KAT2B: variants seen among roughly 807,000 people sequenced by gnomAD.
KAT2B encodes the protein lysine acetyltransferase 2B, also known as histone acetyltransferase KAT2B.
In KAT2B, 36 loss-of-function variants were observed where a neutral mutation model predicts 105.9. That is an observed-to-expected ratio of 0.34 (90% CI 0.26 to 0.45). KAT2B has a LOEUF of 0.45. Ranked by LOEUF, KAT2B falls within the 20% of genes least tolerant of loss-of-function variation. KAT2B has a pLI of 1.00. For missense variants in KAT2B, 820 were observed against 1,021.6 expected (o/e 0.80, Z 2.69); for synonymous variants, 397 against 377.9 (o/e 1.05, Z -0.59).
rs751076329 is a variant in KAT2B, at chr3:20,152,576, C to T, written c.*51C>T. On this transcript the variant is annotated 3_prime_UTR_variant, in exon 18 of 18. Transcript: ENST00000263754. ...AACTCACCAAGCAGTGTGCCTAAAG[C>T]AAGGTGGTTTAGTTTTTTACAAAGA... 6.2e-5 allele frequency: 89 copies of T among 1,442,340 alleles called. No individual in the cohort carries two copies. Among genetic ancestry groups the T allele is most frequent in the Non-Finnish European group, 8.3e-5 (87 of 1,043,294 alleles). 89.3% of individuals were successfully genotyped at this position (1,442,340 alleles called of 1,614,324 possible). A position where few individuals can be genotyped will look rare whatever the true frequency, so the allele number is the denominator to read the frequency against.
chr3:20,122,933 T>TG (rs1345984971), intron 9 of KAT2B, 129 bp downstream of exon 9: 1 of 1,388,172 alleles, frequency 7.2e-7, no homozygotes, highest in East Asian at 2.5e-5. Flanking sequence ...GCATTTAACC[T>TG]GGTGGTCAGT....
rs192922739 is a variant in KAT2B at position 20,128,814 on chromosome 3, C to T, written c.1749+1265C>T. Reference sequence around the variant, plus strand: ...CCTGAGATCAGGAGTTTGAGACCAGCCTGACCAATGTGGTAAAACCCTGTC... The same window carrying T: ...CCTGAGATCAGGAGTTTGAGACCAGTCTGACCAATGTGGTAAAACCCTGTC... On this transcript the variant is annotated intron_variant, in intron 11 of 17. Transcript: ENST00000263754. Among the ~76,000 whole-genome samples the T allele has an allele frequency of 1.4e-3, 210 of 152,008 alleles. 1 individual carries two copies. The highest frequency in any genetic ancestry group is 0.01 in the Middle Eastern group (3 of 292).
intron 1 of KAT2B, among the ~76,000 whole-genome samples, chr3:20,049,114 C>A (rs1330291583): frequency 1.3e-5 from 2 of 152,124 alleles, no homozygotes; most frequent in Non-Finnish European, 2.9e-5. Context: ...CCCACCTTGG[C>A]CTCTCAAAGT....
At chr3:20,136,441 T>C (rs1342564489) in intron 11 of KAT2B, among the ~76,000 whole-genome samples, 2 of 152,210 alleles carry the variant, frequency 1.3e-5, no homozygotes, top group Non-Finnish European at 1.5e-5. Flanking sequence ...ATGTATGTGA[T>C]GATTCAGTTC....
intron 9 of KAT2B, among the ~76,000 whole-genome samples, chr3:20,123,359 T>C (rs76117137): frequency 0.08 from 12,103 of 152,232 alleles, 584 homozygotes; most frequent in Non-Finnish European, 0.099. Flanking sequence ...AAATTTAGCC[T>C]GGTTACAATA....
At chr3:20,085,552 C>G (rs1243795631) in intron 2 of KAT2B, among the ~76,000 whole-genome samples, 2 of 150,760 alleles carry the variant, frequency 1.3e-5, no homozygotes, top group Non-Finnish European at 2.9e-5. Flanking sequence ...TTGCTGTCTC[C>G]CAGGCTGGAG....
intron 7 of KAT2B, among the ~76,000 whole-genome samples, chr3:20,117,140 C>T (rs1699220440): frequency 6.6e-6 from 1 of 152,184 alleles, no homozygotes; most frequent in Admixed American, 6.5e-5. Flanking sequence ...CCAGTCTGCT[C>T]AACTTCCAGC....
At chr3:20,047,501 G>A (rs930610397) in intron 1 of KAT2B, among the ~76,000 whole-genome samples, 3 of 151,886 alleles carry the variant, frequency 2.0e-5, no homozygotes, top group Non-Finnish European at 4.4e-5. Context: ...CTTGCCCACT[G>A]TAACTATGCT....
chr3:20,152,501 G>A lies in KAT2B; in HGVS notation c.2475G>A (p.Lys825=). Residue 825 remains lysine, a synonymous_variant, in exon 18 of 18, where the codon AAG becomes AAA. Transcript: ENST00000263754. ...AGAAATTCTTCTTCAGTAAAATTAA[G>A]GAAGCTGGATTAATTGACAAGTGAT... ...ILEKFFFSKI[K]EAGLIDK is the part of the protein sequence containing the mutation. The A allele has an allele frequency of 6.2e-7, 1 of 1,613,006 alleles. No individual in the cohort carries two copies. Among genetic ancestry groups the A allele is most frequent in the Non-Finnish European group, 8.5e-7 (1 of 1,179,324 alleles).
chr3:20,051,030 G>T (rs1321243167), intron 1 of KAT2B, among the ~76,000 whole-genome samples: 1 of 151,710 alleles, frequency 6.6e-6, no homozygotes, highest in Non-Finnish European at 1.5e-5. Context: ...ACAAAACCTT[G>T]TTTCTACTAA....
At chr3:20,054,327 C>T (rs1196548427) in intron 1 of KAT2B, among the ~76,000 whole-genome samples, 2 of 151,942 alleles carry the variant, frequency 1.3e-5, no homozygotes, top group African/African-American at 4.8e-5. Context: ...CGGGGTTTTA[C>T]CATCTTGGCC....
At chr3:20,041,810 G>C (rs1423782130) in intron 1 of KAT2B, among the ~76,000 whole-genome samples, 66 of 152,182 alleles carry the variant, frequency 4.3e-4, no homozygotes, top group Admixed American at 4.3e-3. Flanking sequence ...CCAGATTCCA[G>C]ATTCCCGATT....
chr3:20,107,136 C>T (rs1213313292), intron 5 of KAT2B, among the ~76,000 whole-genome samples: 1 of 141,894 alleles, frequency 7.0e-6, no homozygotes, highest in Non-Finnish European at 1.5e-5. Context: ...GGGTTCAAGC[C>T]ATTCCCGTCT....
rs551556885 is a variant in KAT2B, at chr3:20,119,308, T to C, written c.1151-290T>C. 1.2e-4 allele frequency among the ~76,000 whole-genome samples: 18 copies of C among 150,436 alleles called. No homozygotes were observed. The East Asian group carries it at 3.5e-3, about 29-fold the overall frequency. ...TTTTTTTTTTTTTTACTAACTACCA[T>C]AACTCCGTCCTTATTTCTTTGTTGG... On this transcript the variant is annotated intron_variant, in intron 7 of 17. Coordinates refer to ENST00000263754, the MANE Select transcript of KAT2B (RefSeq NM_003884.5).
At chr3:20,111,909 G>A in intron 6 of KAT2B, 122 bp downstream of exon 6, 1 of 746,418 alleles carries the variant, frequency 1.3e-6, no homozygotes, top group Non-Finnish European at 2.1e-6. Context: ...AAGGGGATGG[G>A]AGAAAAGACC....
At chr3:20,085,143 T>A (rs2365363) in intron 2 of KAT2B, among the ~76,000 whole-genome samples, 89,540 of 152,020 alleles carry the variant, frequency 0.59, 27,293 homozygotes, top group African/African-American at 0.75. Context: ...TGAGCCCAGG[T>A]GTTTGAGACT....
At position 20,120,479 on chromosome 3, in the gene KAT2B, C is replaced by A. The variant is rs536167608; in HGVS notation, c.1276+756C>A. Among the ~76,000 whole-genome samples, 72 of 152,104 alleles carry A rather than the reference C, an allele frequency of 4.7e-4. 1 individual carries two copies. The highest frequency in any genetic ancestry group is 9.4e-4 in the Non-Finnish European group (64 of 68,006). ...CTGACCTCAGGTAATCTACCTGTCT[C>A]GGCCTCCCAAAGTGCTGGGATTATA... On this transcript the variant is annotated intron_variant, in intron 8 of 17. Transcript: ENST00000263754.
At chr3:20,085,169 G>C (rs1449273513) in intron 2 of KAT2B, among the ~76,000 whole-genome samples, 1 of 152,148 alleles carries the variant, frequency 6.6e-6, no homozygotes, top group Non-Finnish European at 1.5e-5. Flanking sequence ...GGGCAACATA[G>C]TGAGACTCCA....
At chr3:20,093,326 T>A (rs1192122965) in intron 2 of KAT2B, among the ~76,000 whole-genome samples, 1 of 152,174 alleles carries the variant, frequency 6.6e-6, no homozygotes, top group South Asian at 2.1e-4. Flanking sequence ...AACACTTACC[T>A]CAGAGTTATT....
Sources: allele counts gnomAD v4.1 joint callset (sites outside exome capture counted in the v4.1 genomes callset), GRCh38; gene constraint gnomAD v4.1.1; transcripts MANE v1.5; gene names NCBI Gene and HGNC (gene_info 2026-07-23, HGNC 2026-07-21).